Variants in GATA3 observed in about 807,000 individuals in gnomAD.
GATA3 encodes the protein GATA binding protein 3, also known as trans-acting T-cell-specific transcription factor GATA-3.
Under a neutral mutation model 36.0 loss-of-function variants are expected in GATA3, and 6 were observed. The ratio of observed to expected loss-of-function variants is 0.17; its 90% confidence interval spans 0.09 to 0.33. The LOEUF (loss-of-function observed/expected upper bound fraction) is 0.33, where lower values mean the gene tolerates loss of function less well. GATA3 is among the 10% of genes least tolerant of loss of function. The pLI, the probability that GATA3 is intolerant of heterozygous loss-of-function variation, is 1.00. For synonymous variants in GATA3, 326 were observed against 273.0 expected (o/e 1.19, Z -1.92); for missense variants, 514 against 610.1 (o/e 0.84, Z 1.66).
rs748468303 is a variant in GATA3, at chr10:8,061,084, TC to T, written c.778+2244del. Among the ~76,000 whole-genome samples the T allele has an allele frequency of 6.5e-3, 975 of 149,798 alleles. 10 individuals are homozygous for T. Among genetic ancestry groups the T allele is most frequent in the African/African-American group, 0.022 (907 of 41,048 alleles). On this transcript the variant is annotated intron_variant, in intron 3 of 5. Coordinates refer to ENST00000379328, the MANE Select transcript of GATA3 (RefSeq NM_001002295.2). ...AGTGGTTGCTCTCTCTCTCTCTCTC[TC>T]TCTCTTTTTTACCCCTTTAACCTCT...
At chr10:8,067,824 A>G (rs1301255974) in intron 4 of GATA3, among the ~76,000 whole-genome samples, 1 of 128,980 alleles carries the variant, frequency 7.8e-6, no homozygotes, top group East Asian at 2.5e-4. Flanking sequence ...TCTCAGAAAC[A>G]AAAGAAAACA....
chr10:8,073,199 T>A (rs1208525791), intron 5 of GATA3, among the ~76,000 whole-genome samples: 1 of 134,910 alleles, frequency 7.4e-6, no homozygotes. Context: ...CATGGTTTCA[T>A]AAAATACAAC....
At chr10:8,068,093 A>G (rs1316216051) in intron 4 of GATA3, among the ~76,000 whole-genome samples, 2 of 152,132 alleles carry the variant, frequency 1.3e-5, no homozygotes, top group African/African-American at 4.8e-5. Context: ...TTTTCTTCCA[A>G]TGGTTTTTTT....
rs777099828 is a variant in GATA3 at position 8,074,054 on chromosome 10, C to T, written c.*31C>T. ...TGCTCGATGCTCACAGGGCCCCCAG[C>T]GAGAGTCCCTGCAGTCCCTTTCGAC... On this transcript the variant is annotated 3_prime_UTR_variant, in exon 6 of 6. Coordinates refer to ENST00000379328, the MANE Select transcript of GATA3 (RefSeq NM_001002295.2). The T allele has an allele frequency of 7.4e-6, 12 of 1,611,812 alleles. No homozygotes were observed. The highest frequency in any genetic ancestry group is 2.2e-5 in the South Asian group (2 of 91,012).
At chr10:8,051,327 G>A (rs1173587398), upstream of GATA3, 2 of 265,166 alleles carry the variant, frequency 7.5e-6, no homozygotes, top group East Asian at 1.4e-4. Context: ...GTTTCGGATA[G>A]GCCAAGCCGG....
Position 8,055,965 on chromosome 10 carries a change from G to A in GATA3, c.241+69G>A. On this transcript the variant is annotated intron_variant, in intron 2 of 5. Coordinates refer to ENST00000379328, the MANE Select transcript of GATA3 (RefSeq NM_001002295.2). This position sits in a 1 kb window ranked among gnomAD's most constrained non-coding sequence, Gnocchi z 5.4. Reference sequence around the variant, plus strand: ...CCGTCCCGGCTCGGGGAGGTCGGGAGGGACCTGAGGGCGGGGAGAGGTCAA... The same window carrying A: ...CCGTCCCGGCTCGGGGAGGTCGGGAAGGACCTGAGGGCGGGGAGAGGTCAA... The A allele has an allele frequency of 6.5e-7, 1 of 1,540,638 alleles. No homozygotes were observed. Among genetic ancestry groups the A allele is most frequent in the Non-Finnish European group, 8.8e-7 (1 of 1,139,090 alleles).
intron 2 of GATA3, among the ~76,000 whole-genome samples, 198 bp from the exon 3 acceptor site, chr10:8,058,107 A>T (rs1336387151): frequency 2.0e-5 from 3 of 152,116 alleles, no homozygotes; most frequent in Non-Finnish European, 4.4e-5. Context: ...TGGGTGAAGG[A>T]TTCTGTCCCC....
intron 1 of GATA3, among the ~76,000 whole-genome samples, chr10:8,046,946 G>A (rs928482067): frequency 6.6e-6 from 1 of 152,124 alleles, no homozygotes; most frequent in Non-Finnish European, 1.5e-5. Flanking sequence ...CGGAGCGGCT[G>A]CAATCCACGG....
At chr10:8,061,588 G>C (rs409560) in intron 3 of GATA3, among the ~76,000 whole-genome samples, 102,214 of 152,094 alleles carry the variant, frequency 0.67, 34,358 homozygotes, top group South Asian at 0.75. Context: ...TTGCTGAAGT[G>C]ACAGACCAGA....
chr10:8,071,763 G>C (rs191488644), intron 5 of GATA3, among the ~76,000 whole-genome samples: 3 of 152,148 alleles, frequency 2.0e-5, no homozygotes, highest in African/African-American at 7.2e-5. Context: ...GTTTTGCTCT[G>C]CCCTTCCAGA....
At chr10:8,056,113 C>G (rs1832632606) in intron 2 of GATA3, among the ~76,000 whole-genome samples, 1 of 152,282 alleles carries the variant, frequency 6.6e-6, no homozygotes, top group Admixed American at 6.5e-5. Flanking sequence ...AGGCGCCTCT[C>G]CCGGCTGGTG....
At chr10:8,063,775 C>A (rs35748986) in intron 3 of GATA3, among the ~76,000 whole-genome samples, 9 of 152,182 alleles carry the variant, frequency 5.9e-5, no homozygotes, top group African/African-American at 1.7e-4. Context: ...CTTCTGCGGG[C>A]GCCTCCGTGT....
chr10:8,071,917 G>C (rs1832936993), intron 5 of GATA3, among the ~76,000 whole-genome samples: 1 of 152,128 alleles, frequency 6.6e-6, no homozygotes, highest in Non-Finnish European at 1.5e-5. Flanking sequence ...ATTATATTTA[G>C]ATACCTGGCT....
chr10:8,073,933 C>T lies in GATA3; in HGVS notation c.1245C>T (p.His415=), dbSNP rs200043087. The change falls in exon 6 of 6, where the codon CAC becomes CAT. Residue 415 remains histidine (H), a synonymous_variant. Transcript: ENST00000379328. ...TCTCGCCCTTCAGCCACTCCAGCCA[C>T]ATGCTGACCACGCCCACGCCGATGC... The part of the protein sequence containing the change: ...SHISPFSHSS[H]MLTTPTPMHP... 2 of 1,614,154 alleles carry T rather than the reference C, an allele frequency of 1.2e-6. No individual in the cohort carries two copies. Among genetic ancestry groups the T allele is most frequent in the African/African-American group, 2.7e-5 (2 of 75,036 alleles).
At position 8,060,842 on chromosome 10, in the gene GATA3, T is replaced by A. The variant is rs3802603; in HGVS notation, c.778+2001T>A. 2.4e-4 allele frequency among the ~76,000 whole-genome samples: 36 copies of A among 152,324 alleles called. No homozygotes were observed. The East Asian group carries it at 6.9e-3, about 29-fold the overall frequency. On this transcript the variant is annotated intron_variant, in intron 3 of 5. Coordinates refer to ENST00000379328, the MANE Select transcript of GATA3 (RefSeq NM_001002295.2). ...TACCGATACACCGATTTTGGTTTTTTTGGCGAGGAGGAGAGGAGGCCATTT... is the reference window on the plus strand; with the variant it reads ...TACCGATACACCGATTTTGGTTTTTATGGCGAGGAGGAGAGGAGGCCATTT...
At position 8,058,427 on chromosome 10, in the gene GATA3, A is replaced by T. The variant is rs756446087; in HGVS notation, c.364A>T (p.Ile122Phe). ...TCTCAGCCCCTTCTCCAAGACGTCC[A>T]TCCACCACGGCTCCCCGGGGCCCCT... ...WNLSPFSKTS[I>F]HHGSPGPLSV... The change falls in exon 3 of 6, where the codon ATC (isoleucine) becomes TTC (phenylalanine). Residue 122 changes from isoleucine to phenylalanine, a missense_variant. Physicochemically the swap from Ile to Phe is conservative, Grantham distance 21 (BLOSUM62 0). Coordinates refer to ENST00000379328, the MANE Select transcript of GATA3 (RefSeq NM_001002295.2). 1 of 1,612,942 alleles carries T rather than the reference A, an allele frequency of 6.2e-7. No homozygotes were observed. Among genetic ancestry groups the T allele is most frequent in the Non-Finnish European group, 8.5e-7 (1 of 1,179,950 alleles).
intron 5 of GATA3, among the ~76,000 whole-genome samples, chr10:8,072,557 A>G (rs190805744): frequency 9.2e-5 from 14 of 152,356 alleles, no homozygotes; most frequent in African/African-American, 3.4e-4. Flanking sequence ...CCCCAAAGCA[A>G]ATGTATTTTT....
intron 2 of GATA3, among the ~76,000 whole-genome samples, chr10:8,058,052 G>C (rs2131487428): frequency 6.6e-6 from 1 of 152,278 alleles, no homozygotes; most frequent in East Asian, 1.9e-4. Flanking sequence ...TCAGCCACAG[G>C]CCCTTCATTC....
intron 1 of GATA3, chr10:8,045,593 G>A (rs1435174132): frequency 6.6e-6 from 1 of 152,290 alleles, no homozygotes; most frequent in Non-Finnish European, 1.5e-5. Flanking sequence ...TTAGGAGGAG[G>A]CCTCCTCTCC....
Sources: allele counts gnomAD v4.1 joint callset (sites outside exome capture counted in the v4.1 genomes callset), GRCh38; gene constraint gnomAD v4.1.1; non-coding constraint Gnocchi (gnomAD v3.1); transcripts MANE v1.5; gene names NCBI Gene and HGNC (gene_info 2026-07-23, HGNC 2026-07-21).